METTL14: variants seen among roughly 807,000 people sequenced by gnomAD.
METTL14 encodes the protein methyltransferase 14, N6-adenosine-methyltransferase non-catalytic subunit, also known as N(6)-adenosine-methyltransferase non-catalytic subunit METTL14.
METTL14 carries 32 observed loss-of-function variants against 62.4 expected under a neutral mutation model. That is an observed-to-expected ratio of 0.51 (90% CI 0.39 to 0.69). The LOEUF (loss-of-function observed/expected upper bound fraction) is 0.69, where lower values mean the gene tolerates loss of function less well. Ranked by LOEUF, METTL14 falls within the 30% of genes least tolerant of loss-of-function variation. The pLI is 0.00. For synonymous variants in METTL14, 150 were observed against 180.0 expected (o/e 0.83, Z 1.34); for missense variants, 340 against 551.9 (o/e 0.62, Z 3.85).
intron 8 of METTL14, 73 bp downstream of exon 8, chr4:118,700,715 G>T (rs1212724060): frequency 4.2e-6 from 4 of 944,082 alleles, no homozygotes; most frequent in Non-Finnish European, 6.3e-6. Flanking sequence ...TGCATAGGAT[G>T]TTTGAAAGTG....
intron 8 of METTL14, 57 bp downstream of exon 8, chr4:118,700,699 G>T (rs1010246334): frequency 4.1e-6 from 5 of 1,225,010 alleles, no homozygotes; most frequent in Non-Finnish European, 5.9e-6. Flanking sequence ...AAATGTAACA[G>T]TATGTTGCAT....
At chr4:118,693,959 A>T (rs1203414960) in intron 5 of METTL14, among the ~76,000 whole-genome samples, 1 of 152,058 alleles carries the variant, frequency 6.6e-6, no homozygotes, top group Non-Finnish European at 1.5e-5. Flanking sequence ...TGTTGTTATA[A>T]ATGTGCTTCC....
rs775485926 is a variant in METTL14, at chr4:118,713,512, CTTA to C, written c.*3214_*3216del. The C allele has an allele frequency of 2.0e-5, 3 of 152,054 alleles. No homozygotes were observed. Among genetic ancestry groups the C allele is most frequent in the Non-Finnish European group, 4.4e-5 (3 of 68,014 alleles). 9.4% of individuals were successfully genotyped at this position (152,054 alleles called of 1,614,324 possible). A position where few individuals can be genotyped will look rare whatever the true frequency, so the allele number is the denominator to read the frequency against. ...CTTTACTAATTTGTTTAATATAATC[CTTA>C]TTAACATGACAAAATGAAAGCCCTG... On this transcript the variant is annotated 3_prime_UTR_variant, in exon 11 of 11. Transcript: ENST00000388822.
At chr4:118,705,152 C>A (rs939756106) in intron 9 of METTL14, among the ~76,000 whole-genome samples, 1 of 152,086 alleles carries the variant, frequency 6.6e-6, no homozygotes, top group Non-Finnish European at 1.5e-5. Context: ...ATCCAGAGAT[C>A]CAGGTTTTCC....
Position 118,691,553 on chromosome 4 carries a change from G to T in METTL14, c.265G>T (p.Asp89Tyr). ...EYKDELEMQQ[D>Y]EENLPYEEEI... ...CAAGGATGAACTAGAAATGCAACAG[G>T]ATGAAGAAAATTTGCCATATGAAGA... The change falls in exon 4 of 11, where the codon GAT (aspartate) becomes TAT (tyrosine). Residue 89 changes from aspartate to tyrosine, a missense_variant. By Grantham distance (160) the Asp-to-Tyr change is radical. Transcript: ENST00000388822. The T allele has an allele frequency of 1.3e-6, 2 of 1,553,392 alleles. No individual in the cohort carries two copies. Among genetic ancestry groups the T allele is most frequent in the Non-Finnish European group, 1.7e-6 (2 of 1,147,186 alleles).
At chr4:118,693,161 G>GT (rs961651159) in intron 5 of METTL14, among the ~76,000 whole-genome samples, 1 of 152,034 alleles carries the variant, frequency 6.6e-6, no homozygotes, top group African/African-American at 2.4e-5. Context: ...ACTATTATCT[G>GT]TTTTTTATTG....
rs549803675 is a variant in METTL14 at position 118,690,524 on chromosome 4, C to T, written c.244-1008C>T. Among the ~76,000 whole-genome samples, 3 of 151,742 alleles carry T rather than the reference C, an allele frequency of 2.0e-5. No homozygotes were observed. The East Asian group carries it at 5.9e-4, about 30-fold the overall frequency. ...TGAAACCCTGTCTCTACTAAAAATA[C>T]AAAAAATTAGCTGGGCATGGTGGCA... On this transcript the variant is annotated intron_variant, in intron 3 of 10. Coordinates refer to ENST00000388822, the MANE Select transcript of METTL14 (RefSeq NM_020961.4).
intron 3 of METTL14, among the ~76,000 whole-genome samples, chr4:118,690,963 T>A (rs918499927): frequency 4.6e-5 from 7 of 152,190 alleles, no homozygotes; most frequent in African/African-American, 1.7e-4. Context: ...TACTTTTGTT[T>A]TTTCAAGTTA....
intron 7 of METTL14, among the ~76,000 whole-genome samples, chr4:118,698,304 T>G (rs1229338594): frequency 6.6e-6 from 1 of 151,396 alleles, no homozygotes; most frequent in Non-Finnish European, 1.5e-5. Flanking sequence ...AATACAAAAA[T>G]TAGCCGGGTG....
chr4:118,710,872 A>G lies in METTL14; in HGVS notation c.*570A>G, dbSNP rs983523792. The G allele has an allele frequency of 2.6e-5, 4 of 151,798 alleles. No individual in the cohort carries two copies. The highest frequency in any genetic ancestry group is 9.7e-5 in the African/African-American group (4 of 41,336). 9.4% of individuals were successfully genotyped at this position (151,798 alleles called of 1,614,324 possible). ...AATCTAAATTTGATAGGGGAGGTGG[A>G]GATTCCAGGGGTGGGTGAAAGAAGA... On this transcript the variant is annotated 3_prime_UTR_variant, in exon 11 of 11. Transcript: ENST00000388822.
intron 8 of METTL14, 77 bp from the exon 9 acceptor site, chr4:118,703,858 T>A: frequency 1.2e-6 from 1 of 826,874 alleles, no homozygotes; most frequent in Non-Finnish European, 1.8e-6. Flanking sequence ...AAGTTTTTTT[T>A]AATGCTGGTT....
chr4:118,708,677 C>T (rs1724831789), intron 10 of METTL14, among the ~76,000 whole-genome samples: 1 of 152,094 alleles, frequency 6.6e-6, no homozygotes, highest in Admixed American at 6.5e-5. Context: ...AAATATTTTT[C>T]ATTTTATAGC....
Position 118,710,837 on chromosome 4 carries a change from A to T in METTL14, c.*535A>T, listed in dbSNP as rs1064034. 0.63 allele frequency: 95,305 copies of T among 151,398 alleles called. 31,764 individuals carry two copies. Among genetic ancestry groups the T allele is most frequent in the Non-Finnish European group, 0.72 (49,176 of 67,846 alleles). 9.4% of individuals were successfully genotyped at this position (151,398 alleles called of 1,614,324 possible). On this transcript the variant is annotated 3_prime_UTR_variant, in exon 11 of 11. Transcript: ENST00000388822. ...AGAAATTAAGAGACTTTGAACAAAA[A>T]CTCTTCCCAAATCTAAATTTGATAG...
chr4:118,699,593 A>G (rs1724525471), intron 7 of METTL14, among the ~76,000 whole-genome samples: 1 of 152,210 alleles, frequency 6.6e-6, no homozygotes, highest in South Asian at 2.1e-4. Context: ...AAATTTAAAC[A>G]ATGAATCTGA....
chr4:118,705,538 A>C, intron 9 of METTL14, 73 bp from the exon 10 acceptor site: 1 of 1,120,914 alleles, frequency 8.9e-7, no homozygotes, highest in Non-Finnish European at 1.3e-6. Flanking sequence ...AGAATTGAGG[A>C]CATCAGAAAT....
chr4:118,705,912 T>C (rs925587365), intron 10 of METTL14, 91 bp downstream of exon 10: 2 of 998,244 alleles, frequency 2.0e-6, no homozygotes, highest in African/African-American at 1.6e-5. Flanking sequence ...AAAGTTCTTA[T>C]GCATTTGATT....
intron 8 of METTL14, among the ~76,000 whole-genome samples, chr4:118,701,235 G>A (rs914780180): frequency 4.1e-5 from 6 of 147,590 alleles, no homozygotes; most frequent in Non-Finnish European, 4.5e-5. Context: ...CCAGGCTGGC[G>A]TGCAGTGGCA....
chr4:118,688,148 C>T (rs1292157746), intron 2 of METTL14, 137 bp downstream of exon 2: 13 of 664,420 alleles, frequency 2.0e-5, no homozygotes, highest in Admixed American at 5.8e-5. Context: ...GGTACACCTG[C>T]CTTGGCCTCC....
At chr4:118,696,523 T>A (rs932641654) in intron 6 of METTL14, among the ~76,000 whole-genome samples, 6 of 152,108 alleles carry the variant, frequency 3.9e-5, no homozygotes, top group Non-Finnish European at 4.4e-5. Flanking sequence ...GCCTGAGCAA[T>A]ATAGTGAGAC....
Sources: allele counts gnomAD v4.1 joint callset (sites outside exome capture counted in the v4.1 genomes callset), GRCh38; gene constraint gnomAD v4.1.1; transcripts MANE v1.5; gene names NCBI Gene and HGNC (gene_info 2026-07-23, HGNC 2026-07-21).